The following SLIT3 variants were observed in gnomAD, a reference collection of about 807,000 sequenced individuals.
SLIT3 encodes the protein slit homolog 3 protein.
In SLIT3, 68 loss-of-function variants were observed where a neutral mutation model predicts 184.0. The observed-to-expected ratio is 0.37, with a 90% CI of 0.30 to 0.45. SLIT3 has a LOEUF of 0.45. SLIT3 is among the 20% of genes least tolerant of loss of function. The probability of loss-of-function intolerance (pLI) is 1.00; values close to 1 mark genes in which losing one functional copy is unlikely to be tolerated. For synonymous variants in SLIT3, 831 were observed against 828.6 expected, an observed-to-expected ratio of 1.00 and a Z score of -0.05; for missense variants, 1,707 against 2,026.0, an observed-to-expected ratio of 0.84 and a Z score of 3.02.
intron 4 of SLIT3, among the ~76,000 whole-genome samples, chr5:169,028,310 T>G (rs946248654): frequency 1.3e-5 from 2 of 152,218 alleles, no homozygotes; most frequent in South Asian, 2.1e-4. Context: ...CACCTAGAAC[T>G]GCGTCTACTC....
intron 3 of SLIT3, among the ~76,000 whole-genome samples, chr5:169,233,405 T>G (rs1162681323): frequency 2.4e-4 from 5 of 20,610 alleles, no homozygotes; most frequent in Non-Finnish European, 5.0e-4. Flanking sequence ...AGAAATTGTC[T>G]TTTTTTTTTT....
At chr5:169,268,214 AG>A (rs1190033196) in intron 1 of SLIT3, among the ~76,000 whole-genome samples, 1 of 152,182 alleles carries the variant, frequency 6.6e-6, no homozygotes, top group African/African-American at 2.4e-5. Context: ...GTTGCGAAGG[AG>A]GAGTGGCGGA....
intron 4 of SLIT3, among the ~76,000 whole-genome samples, chr5:169,183,071 C>A (rs1177437518): frequency 6.6e-6 from 1 of 152,176 alleles, no homozygotes; most frequent in South Asian, 2.1e-4. Flanking sequence ...TTATACCCTC[C>A]GGGCTCAGGT....
At chr5:169,257,494 C>T (rs1232787581) in intron 1 of SLIT3, among the ~76,000 whole-genome samples, 1 of 135,676 alleles carries the variant, frequency 7.4e-6, no homozygotes, top group Non-Finnish European at 1.6e-5. Flanking sequence ...TCTACGCTGA[C>T]AAATAAAATA....
chr5:169,210,556 G>A (rs79474744), intron 3 of SLIT3, among the ~76,000 whole-genome samples: 2,723 of 152,284 alleles, frequency 0.018, 92 homozygotes, highest in African/African-American at 0.063. Context: ...AGTTTCCTGG[G>A]AAGGACTGGC....
In SLIT3 at chr5:168,662,749, T is replaced by C. The variant is rs1265391616; in HGVS notation, c.*3705A>G. The C allele has an allele frequency of 2.6e-5, 4 of 152,220 alleles. No individual in the cohort carries two copies. The highest frequency in any genetic ancestry group is 2.6e-4 in the Admixed American group (4 of 15,282). 9.4% of individuals were successfully genotyped at this position (152,220 alleles called of 1,614,324 possible). On this transcript the variant is annotated 3_prime_UTR_variant, in exon 36 of 36. Coordinates refer to ENST00000519560, the MANE Select transcript of SLIT3 (RefSeq NM_003062.4). ...GAGAACTTCTTTTCCCTTTCCTGAA[T>C]CCTGCTCAGGGGGGACACAGCTTGA... is the stretch of plus-strand genomic sequence containing the variant.
chr5:168,847,211 T>C (rs759926439), intron 5 of SLIT3, among the ~76,000 whole-genome samples: 3 of 152,224 alleles, frequency 2.0e-5, no homozygotes, highest in Non-Finnish European at 4.4e-5. Flanking sequence ...AGCATCTCTG[T>C]GGGTGTATTT....
At chr5:169,001,247 G>A (rs543449115) in intron 4 of SLIT3, among the ~76,000 whole-genome samples, 19 of 152,262 alleles carry the variant, frequency 1.2e-4, no homozygotes, top group South Asian at 4.1e-4. Flanking sequence ...GCCACTGTCC[G>A]TATTTTGAAC....
At chr5:168,973,857 A>G (rs1754665080) in intron 4 of SLIT3, among the ~76,000 whole-genome samples, 1 of 152,218 alleles carries the variant, frequency 6.6e-6, no homozygotes, top group Admixed American at 6.5e-5. Flanking sequence ...GCTAATTTCA[A>G]TCCTGAAATG....
chr5:169,050,016 C>T (rs1312880763), intron 4 of SLIT3, among the ~76,000 whole-genome samples: 2 of 152,116 alleles, frequency 1.3e-5, no homozygotes, highest in African/African-American at 2.4e-5. Flanking sequence ...TCCCCTCCTC[C>T]CCATTTCTCC....
intron 4 of SLIT3, among the ~76,000 whole-genome samples, chr5:169,150,265 C>T (rs777020310): frequency 2.6e-5 from 4 of 152,274 alleles, no homozygotes; most frequent in Middle Eastern, 3.4e-3. Flanking sequence ...CTATACCAGG[C>T]ACTTCACGGC....
At chr5:168,910,186 G>A (rs1581202171) in intron 4 of SLIT3, among the ~76,000 whole-genome samples, 1 of 152,222 alleles carries the variant, frequency 6.6e-6, no homozygotes, top group Non-Finnish European at 1.5e-5. Context: ...GGCTAGCTAT[G>A]TAGTGAAGTC....
At position 168,867,133 on chromosome 5, in the gene SLIT3, C is replaced by T. The variant is rs116536159; in HGVS notation, c.485+16132G>A. ...GTTGCTAACAGGGCTCAGGAACCTG[C>T]ATTCTAAATAAGGTCTGGGAGATTC... On this transcript the variant is annotated intron_variant, in intron 5 of 35. Transcript: ENST00000519560. Among the ~76,000 whole-genome samples, 301 of 152,292 alleles carry T rather than the reference C, an allele frequency of 2.0e-3. 2 individuals are homozygous for T. Among genetic ancestry groups the T allele is most frequent in the Middle Eastern group, 6.8e-3 (2 of 294 alleles).
intron 8 of SLIT3, among the ~76,000 whole-genome samples, chr5:168,808,838 G>A (rs189748089): frequency 6.6e-6 from 1 of 152,302 alleles, no homozygotes; most frequent in African/African-American, 2.4e-5. Context: ...TCAGATGTCA[G>A]GGTGTTTGAA....
chr5:168,907,600 G>A (rs1761093414), intron 4 of SLIT3, among the ~76,000 whole-genome samples: 1 of 152,128 alleles, frequency 6.6e-6, no homozygotes, highest in Admixed American at 6.5e-5. Context: ...TTCAATGACT[G>A]TGTATTACAT....
intron 16 of SLIT3, among the ~76,000 whole-genome samples, chr5:168,757,052 G>T (rs79074697): frequency 0.07 from 10,718 of 152,282 alleles, 499 homozygotes; most frequent in Non-Finnish European, 0.1. Flanking sequence ...CGCAACTACA[G>T]GCAGCAGTAG....
At chr5:169,155,846 CCTT>C (rs1375792912) in intron 4 of SLIT3, among the ~76,000 whole-genome samples, 1 of 152,194 alleles carries the variant, frequency 6.6e-6, no homozygotes, top group East Asian at 1.9e-4. Flanking sequence ...CACCACTACT[CCTT>C]CTGTTCAACG....
intron 14 of SLIT3, among the ~76,000 whole-genome samples, chr5:168,763,164 G>A (rs563161962): frequency 6.6e-6 from 1 of 152,124 alleles, no homozygotes; most frequent in East Asian, 1.9e-4. Context: ...CCAGGGGTAG[G>A]GGTAAATTAT....
chr5:168,910,643 G>C (rs1395679304), intron 4 of SLIT3, among the ~76,000 whole-genome samples: 1 of 151,860 alleles, frequency 6.6e-6, no homozygotes, highest in African/African-American at 2.4e-5. Context: ...CTACTCCAGA[G>C]GCTGAGGCAG....
Sources: allele counts gnomAD v4.1 joint callset (sites outside exome capture counted in the v4.1 genomes callset), GRCh38; gene constraint gnomAD v4.1.1; transcripts MANE v1.5; gene names NCBI Gene and HGNC (gene_info 2026-07-23, HGNC 2026-07-21).